Variants in ENPP1 observed in about 807,000 individuals in gnomAD.
ENPP1 encodes ectonucleotide pyrophosphatase/phosphodiesterase 1.
A neutral mutation model predicts 122.8 loss-of-function variants in ENPP1; 73 were observed. The observed-to-expected ratio is 0.59, with a 90% CI of 0.49 to 0.72. The LOEUF (loss-of-function observed/expected upper bound fraction) is 0.72, where lower values mean the gene tolerates loss of function less well. ENPP1 is among the 30% of genes least tolerant of loss of function. ENPP1 has a pLI of 0.00. For missense variants in ENPP1, 978 were observed against 1,128.1 expected (o/e 0.87, Z 1.91); for synonymous variants, 367 against 391.6 (o/e 0.94, Z 0.74).
intron 11 of ENPP1, among the ~76,000 whole-genome samples, chr6:131,867,506 ATT>A (rs541160974): frequency 6.6e-6 from 1 of 152,226 alleles, no homozygotes; most frequent in Non-Finnish European, 1.5e-5. Context: ...TATAAGAAGC[ATT>A]TCATGAATAA....
At chr6:131,818,075 G>T (rs1011473062) in intron 1 of ENPP1, among the ~76,000 whole-genome samples, 4 of 152,100 alleles carry the variant, frequency 2.6e-5, no homozygotes, top group Non-Finnish European at 4.4e-5. Flanking sequence ...CTCCTGCTTA[G>T]AAAGCTTTTT....
At position 131,861,718 on chromosome 6, in the gene ENPP1, AT is replaced by A; in HGVS notation, c.1025+20del. On this transcript the variant is annotated intron_variant, in intron 9 of 24. Transcript: ENST00000647893. Reference sequence around the variant, plus strand: ...AATGTATAATGGGTATGTGAAATGAATTTTTTCTAGGATCTGTAATATAGAA... The same window carrying A: ...AATGTATAATGGGTATGTGAAATGAATTTTTCTAGGATCTGTAATATAGAA... 7.2e-7 allele frequency: 1 copy of A among 1,398,248 alleles called. No individual in the cohort carries two copies. The highest frequency in any genetic ancestry group is 1.0e-6 in the Non-Finnish European group (1 of 983,070). The allele number at this position is 1,398,248 out of a possible 1,614,324, so 86.6% of individuals were successfully genotyped here. A position where few individuals can be genotyped will look rare whatever the true frequency, so the allele number is the denominator to read the frequency against.
intron 11 of ENPP1, among the ~76,000 whole-genome samples, chr6:131,867,812 C>A (rs1782108934): frequency 6.6e-6 from 1 of 152,032 alleles, no homozygotes; most frequent in African/African-American, 2.4e-5. Context: ...ATTTACTGTT[C>A]TTTGTATCTC....
rs757712283 is a variant in ENPP1 at position 131,869,854 on chromosome 6, TAAAAAAA to T, written c.1405+381_1405+387del. ...CTGGGCAACTGAGTGAGACTTGGTC[TAAAAAAA>T]AAAAAAAAAAAAAAAGAATACCTTC... is the stretch of plus-strand genomic sequence containing the variant. On this transcript the variant is annotated intron_variant, in intron 13 of 24. Coordinates refer to ENST00000647893, the MANE Select transcript of ENPP1 (RefSeq NM_006208.3). 8.6e-4 allele frequency among the ~76,000 whole-genome samples: 85 copies of T among 99,058 alleles called. 1 individual carries two copies. Among genetic ancestry groups the T allele is most frequent in the African/African-American group, 3.0e-3 (82 of 27,068 alleles). 65.0% of individuals were successfully genotyped at this position (99,058 alleles called of 152,430 possible).
At chr6:131,871,922 T>C (rs955659982) in intron 13 of ENPP1, 148 bp from the exon 14 acceptor site, 2 of 665,314 alleles carry the variant, frequency 3.0e-6, no homozygotes, top group Non-Finnish European at 5.3e-6. Flanking sequence ...TTCCTTTCAG[T>C]GGCTACAATG....
At chr6:131,877,322 A>G (rs2114720335) in intron 18 of ENPP1, 161 bp downstream of exon 18, 2 of 724,358 alleles carry the variant, frequency 2.8e-6, no homozygotes, top group South Asian at 1.6e-5. Context: ...CTTTTGTGAT[A>G]TATCTTTTCT....
chr6:131,840,289 C>A (rs185786634), intron 1 of ENPP1, among the ~76,000 whole-genome samples: 140 of 152,334 alleles, frequency 9.2e-4, no homozygotes, highest in Admixed American at 1.7e-3. Flanking sequence ...TGTATTTCTT[C>A]TCAGATTCCT....
In ENPP1 at chr6:131,863,111, A is replaced by G. The variant is rs1216494861; in HGVS notation, c.1026-1395A>G. 2.0e-5 allele frequency among the ~76,000 whole-genome samples: 3 copies of G among 152,344 alleles called. No homozygotes were observed. In the South Asian group the frequency reaches 6.2e-4, roughly 32 times the overall value. ...TAATTTGCTGTTACAATTTTTGCAA[A>G]GATGGTTTCAGAACCAAGAGAAGGA... is the stretch of plus-strand genomic sequence containing the variant. On this transcript the variant is annotated intron_variant, in intron 9 of 24. Transcript: ENST00000647893.
chr6:131,834,464 T>A (rs1229897758), intron 1 of ENPP1, among the ~76,000 whole-genome samples: 1 of 152,114 alleles, frequency 6.6e-6, no homozygotes, highest in Non-Finnish European at 1.5e-5. Context: ...CAAGACAAGC[T>A]TCTCATTCTA....
In ENPP1 at chr6:131,861,634, A is replaced by ACGG; in HGVS notation, c.956_957insGGC (p.Thr319_Phe320insAla). 6.2e-7 allele frequency: 1 copy of ACGG among 1,613,862 alleles called. No individual in the cohort carries two copies. Among genetic ancestry groups the ACGG allele is most frequent in the Non-Finnish European group, 8.5e-7 (1 of 1,179,788 alleles). ...TAAGTATCAAGGCCTCAAGTCTGGC[A>ACGG]CATTTTTCTGGCCAGGATCAGATGT... is the stretch of plus-strand genomic sequence containing the variant. On this transcript the variant is annotated inframe_insertion, in exon 9 of 25. Transcript: ENST00000647893.
intron 24 of ENPP1, among the ~76,000 whole-genome samples, chr6:131,888,881 A>C (rs1782423510): frequency 1.3e-5 from 2 of 152,296 alleles, no homozygotes; most frequent in South Asian, 4.1e-4. Flanking sequence ...GCAGTGGCTT[A>C]AGCAAGTCAG....
At chr6:131,811,372 ATCTATATATC>A (rs1389513586) in intron 1 of ENPP1, among the ~76,000 whole-genome samples, 1 of 142,670 alleles carries the variant, frequency 7.0e-6, no homozygotes, top group Non-Finnish European at 1.5e-5. Flanking sequence ...CTATATCTAT[ATCTATATATC>A]TATATCTATA....
intron 1 of ENPP1, among the ~76,000 whole-genome samples, chr6:131,835,354 A>G (rs1439228693): frequency 6.6e-6 from 1 of 152,178 alleles, no homozygotes; most frequent in Non-Finnish European, 1.5e-5. Context: ...CTGTTCTTCA[A>G]ATGCTTATTT....
chr6:131,818,520 C>T (rs1365650196), intron 1 of ENPP1, among the ~76,000 whole-genome samples: 6 of 151,732 alleles, frequency 4.0e-5, no homozygotes, highest in Non-Finnish European at 7.4e-5. Flanking sequence ...TGGTGGTGGG[C>T]GCCTGTAGTC....
intron 1 of ENPP1, among the ~76,000 whole-genome samples, chr6:131,841,107 T>C (rs867822437): frequency 3.2e-4 from 48 of 152,350 alleles, no homozygotes; most frequent in African/African-American, 1.1e-3. Context: ...GAACAACTGC[T>C]TGAGTGGACT....
At chr6:131,884,752 G>T (rs1782354487) in intron 22 of ENPP1, among the ~76,000 whole-genome samples, 179 bp from the exon 23 acceptor site, 1 of 152,176 alleles carries the variant, frequency 6.6e-6, no homozygotes, top group African/African-American at 2.4e-5. Context: ...TCCAGCCTGG[G>T]TGATATAGCA....
intron 1 of ENPP1, chr6:131,826,100 G>A (rs1781543392): frequency 2.5e-6 from 2 of 804,006 alleles, no homozygotes; most frequent in East Asian, 4.9e-5. Flanking sequence ...TCCAGTTCAG[G>A]AGGAAGTGTT....
intron 1 of ENPP1, among the ~76,000 whole-genome samples, chr6:131,813,529 C>CAAA (rs112662261): frequency 7.8e-6 from 1 of 128,852 alleles, no homozygotes. Context: ...GACTCTGTCT[C>CAAA]AAAAAAAAAA....
At chr6:131,855,672 A>G (rs1469994134) in intron 6 of ENPP1, among the ~76,000 whole-genome samples, 1 of 152,166 alleles carries the variant, frequency 6.6e-6, no homozygotes, top group Admixed American at 6.5e-5. Context: ...CAAAAACTAA[A>G]GGTATTTCTG....
Sources: allele counts gnomAD v4.1 joint callset (sites outside exome capture counted in the v4.1 genomes callset), GRCh38; gene constraint gnomAD v4.1.1; transcripts MANE v1.5; gene names NCBI Gene and HGNC (gene_info 2026-07-23, HGNC 2026-07-21).